Variants in NHSL1 observed in about 807,000 individuals in gnomAD.
NHSL1 encodes the protein NHS-like protein 1.
Under a neutral mutation model 95.0 loss-of-function variants are expected in NHSL1, and 48 were observed. The observed-to-expected ratio is 0.51, with a 90% confidence interval of 0.40 to 0.64. The LOEUF (loss-of-function observed/expected upper bound fraction) is 0.64, where lower values mean the gene tolerates loss of function less well. Among genes scored for constraint, NHSL1 ranks in the 30% least tolerant of loss-of-function variants. NHSL1 has a pLI of 0.00. For synonymous variants in NHSL1, 783 were observed against 833.9 expected (o/e 0.94, Z 1.05); for missense variants, 1,971 against 2,077.7 (o/e 0.95, Z 1.00).
At chr6:138,467,496 A>G (rs1778470232) in intron 3 of NHSL1, among the ~76,000 whole-genome samples, 1 of 152,216 alleles carries the variant, frequency 6.6e-6, no homozygotes, top group Non-Finnish European at 1.5e-5. Flanking sequence ...TATGAAAAAA[A>G]CTTAACTGTA....
rs1775800483 is a variant in NHSL1 at position 138,432,863 on chromosome 6, C to T, written c.1482G>A (p.Leu494=). 6.4e-7 allele frequency: 1 copy of T among 1,551,538 alleles called. No homozygotes were observed. The highest frequency in any genetic ancestry group is 8.7e-7 in the Non-Finnish European group (1 of 1,146,900). The change falls in exon 6 of 8, where the codon TTG becomes TTA. Residue 494 remains leucine (L), a synonymous_variant. Transcript: ENST00000343505. The surrounding 1 kb of genome is among the most constrained non-coding windows in gnomAD (Gnocchi z 4.4). ...GAGGGACGGCTGAGTCACAGAGGGACAACAGTGCGGGTTCACCAGGGGAAT... is the reference window on the plus strand; with the variant it reads ...GAGGGACGGCTGAGTCACAGAGGGATAACAGTGCGGGTTCACCAGGGGAAT... The part of the protein sequence containing the change: ...DPHSPGEPAL[L]SLCDSAVPLN...
intron 1 of NHSL1, chr6:138,651,088 C>T (rs1030449164): frequency 1.7e-5 from 6 of 362,504 alleles, no homozygotes; most frequent in Non-Finnish European, 3.2e-5. Context: ...ATCTGTTAAG[C>T]TTTAATAGCT....
intron 1 of NHSL1, among the ~76,000 whole-genome samples, chr6:138,569,748 G>C (rs913352561): frequency 6.6e-6 from 1 of 152,142 alleles, no homozygotes; most frequent in African/African-American, 2.4e-5. Flanking sequence ...GTCAAAGTTG[G>C]AAGCCAATTT....
chr6:138,627,235 A>G (rs1784752299), intron 1 of NHSL1, among the ~76,000 whole-genome samples: 3 of 152,336 alleles, frequency 2.0e-5, no homozygotes, highest in Admixed American at 6.5e-5. Context: ...ACAGTCTGTC[A>G]ATTTATATAG....
chr6:138,665,844 C>T (rs940275525), intron 1 of NHSL1, among the ~76,000 whole-genome samples: 3 of 152,120 alleles, frequency 2.0e-5, no homozygotes, highest in Non-Finnish European at 4.4e-5. Context: ...CTGAATTAAC[C>T]ACAAGCTTTA....
At chr6:138,670,473 C>T (rs1227222121) in intron 1 of NHSL1, among the ~76,000 whole-genome samples, 1 of 150,658 alleles carries the variant, frequency 6.6e-6, no homozygotes, top group African/African-American at 2.4e-5. Flanking sequence ...GAGACCATCC[C>T]GGCTAAAACG....
At chr6:138,665,019 T>TA (rs1221209496) in intron 1 of NHSL1, among the ~76,000 whole-genome samples, 6 of 152,346 alleles carry the variant, frequency 3.9e-5, no homozygotes, top group Admixed American at 3.9e-4. Context: ...ATCTGGGCGC[T>TA]ATAGCCTAGC....
At chr6:138,434,131 A>T (rs1191452710) in intron 5 of NHSL1, among the ~76,000 whole-genome samples, 1 of 152,242 alleles carries the variant, frequency 6.6e-6, no homozygotes, top group Non-Finnish European at 1.5e-5. Context: ...GAGATACCAT[A>T]TTTGAGGGGT....
At chr6:138,592,410 C>A (rs1272667651) in intron 1 of NHSL1, among the ~76,000 whole-genome samples, 2 of 152,008 alleles carry the variant, frequency 1.3e-5, no homozygotes. Flanking sequence ...ACCAGCCTGG[C>A]CAGCATGGGG....
At chr6:138,581,692 CA>C (rs1163761095) in intron 1 of NHSL1, among the ~76,000 whole-genome samples, 2,415 of 67,060 alleles carry the variant, frequency 0.036, 39 homozygotes, top group African/African-American at 0.12. Flanking sequence ...ACTCCGTCTC[CA>C]AAAAAAAAAA....
chr6:138,481,295 T>C (rs1443056022), intron 2 of NHSL1, among the ~76,000 whole-genome samples: 2 of 152,164 alleles, frequency 1.3e-5, no homozygotes, highest in Admixed American at 6.5e-5. Context: ...ATAGAAGGGA[T>C]TTATTTACCT....
At chr6:138,516,404 C>T (rs917868389) in intron 1 of NHSL1, among the ~76,000 whole-genome samples, 1 of 152,134 alleles carries the variant, frequency 6.6e-6, no homozygotes, top group African/African-American at 2.4e-5. Flanking sequence ...TTTTAAATCC[C>T]CGTCTGCTTA....
chr6:138,552,633 TA>T (rs953844086), intron 1 of NHSL1, among the ~76,000 whole-genome samples: 2 of 152,146 alleles, frequency 1.3e-5, no homozygotes, highest in Non-Finnish European at 2.9e-5. Flanking sequence ...TCTTTTTTTG[TA>T]AGAACCTTTA....
chr6:138,453,457 C>G (rs1562285386), intron 3 of NHSL1, among the ~76,000 whole-genome samples: 1 of 152,170 alleles, frequency 6.6e-6, no homozygotes, highest in East Asian at 1.9e-4. Context: ...TGGGCTCAAG[C>G]AATCCTCCTG....
chr6:138,570,368 A>G (rs1783794337), intron 1 of NHSL1, among the ~76,000 whole-genome samples: 1 of 152,228 alleles, frequency 6.6e-6, no homozygotes, highest in African/African-American at 2.4e-5. Flanking sequence ...CCAAAACCAC[A>G]GCTTATTCCT....
At chr6:138,477,992 T>C (rs1779178209) in intron 2 of NHSL1, among the ~76,000 whole-genome samples, 2 of 148,198 alleles carry the variant, frequency 1.3e-5, no homozygotes, top group Non-Finnish European at 3.0e-5. Context: ...CATCTTTTTT[T>C]CACCATGAAA....
At chr6:138,571,651 C>A in intron 1 of NHSL1, 1 of 1,496,722 alleles carries the variant, frequency 6.7e-7, no homozygotes, top group Non-Finnish European at 9.0e-7. Flanking sequence ...GTGATAGAAA[C>A]AAAGAATTCT....
chr6:138,545,756 G>A (rs1782768917), upstream of NHSL1: 1 of 1,216,632 alleles, frequency 8.2e-7, no homozygotes, highest in South Asian at 1.5e-5. Context: ...GGGGCGGCCA[G>A]CCAGCGCCTG....
In NHSL1 at chr6:138,669,085, C is replaced by T. The variant is rs542610443; in HGVS notation, c.96+23391G>A. ...TAAGTTCTGGTCTGATGGCTAAAAGCATGGTGGTATCCTTCATAGAACAGG... is the reference window on the plus strand; with the variant it reads ...TAAGTTCTGGTCTGATGGCTAAAAGTATGGTGGTATCCTTCATAGAACAGG... On this transcript the variant is annotated intron_variant, in intron 1 of 3. Transcript: ENST00000491526. Among the ~76,000 whole-genome samples the T allele has an allele frequency of 6.9e-4, 105 of 152,188 alleles. 1 individual carries two copies. Among genetic ancestry groups the T allele is most frequent in the East Asian group, 7.7e-4 (4 of 5,164 alleles).
Sources: allele counts gnomAD v4.1 joint callset (sites outside exome capture counted in the v4.1 genomes callset), GRCh38; gene constraint gnomAD v4.1.1; non-coding constraint Gnocchi (gnomAD v3.1); transcripts MANE v1.5; gene names NCBI Gene and HGNC (gene_info 2026-07-23, HGNC 2026-07-21).